FKBP9: variants seen among roughly 807,000 people sequenced by gnomAD.
FKBP9 encodes the protein FKBP prolyl isomerase 9, also known as peptidyl-prolyl cis-trans isomerase FKBP9.
Under a neutral mutation model 55.6 loss-of-function variants are expected in FKBP9, and 27 were observed. The observed-to-expected ratio is 0.49, with a 90% CI of 0.36 to 0.67. The LOEUF (loss-of-function observed/expected upper bound fraction) is 0.67. Among genes scored for constraint, FKBP9 ranks in the 30% least tolerant of loss-of-function variants. The pLI is 0.00. For synonymous variants in FKBP9, 267 were observed against 296.5 expected, an observed-to-expected ratio of 0.90 and a Z score of 1.02; for missense variants, 539 against 742.8, an observed-to-expected ratio of 0.73 and a Z score of 3.19.
chr7:32,965,884 T>TACATATATATAGAGAGAG (rs1554284369), intron 1 of FKBP9, among the ~76,000 whole-genome samples: 6 of 110,368 alleles, frequency 5.4e-5, no homozygotes, highest in African/African-American at 2.3e-4. Flanking sequence ...TATATATATA[T>TACATATATATAGAGAGAG]AGAGAGAGAG....
intron 7 of FKBP9, among the ~76,000 whole-genome samples, chr7:32,997,180 C>T (rs1784833949): frequency 6.6e-6 from 1 of 152,076 alleles, no homozygotes. Flanking sequence ...AGTGATCCTC[C>T]CGCCTCAGCC....
chr7:32,985,984 C>A (rs1270088229), intron 5 of FKBP9, among the ~76,000 whole-genome samples: 2 of 152,102 alleles, frequency 1.3e-5, no homozygotes, highest in Non-Finnish European at 2.9e-5. Context: ...CAGAGTGAGA[C>A]TGTGTCTCAA....
intron 7 of FKBP9, among the ~76,000 whole-genome samples, chr7:32,999,057 A>G (rs1256612511): frequency 2.6e-5 from 4 of 152,182 alleles, no homozygotes; most frequent in African/African-American, 7.2e-5. Flanking sequence ...AGCCCCAGAG[A>G]AAGGCAGGCA....
rs192777732 is a variant in FKBP9 at position 33,004,086 on chromosome 7, C to T, written c.1537-1089C>T. On this transcript the variant is annotated intron_variant, in intron 9 of 9. Transcript: ENST00000242209. ...GAGCACTCGGTGATCTCTGACTCCT[C>T]TCTTTCTCTCGTAGGCCGTAATGGT... Among the ~76,000 whole-genome samples the T allele has an allele frequency of 2.2e-4, 34 of 152,278 alleles. No homozygotes were observed. The East Asian group carries it at 6.6e-3, about 29-fold the overall frequency.
At chr7:32,988,464 G>C in intron 5 of FKBP9, 43 bp from the exon 6 acceptor site, 1 of 1,608,362 alleles carries the variant, frequency 6.2e-7, no homozygotes. Context: ...CTGCTGTGGA[G>C]GCCCTCATGA....
At chr7:32,965,850 T>TAC (rs1784134456) in intron 1 of FKBP9, among the ~76,000 whole-genome samples, 2 of 44,222 alleles carry the variant, frequency 4.5e-5, no homozygotes, top group Non-Finnish European at 9.0e-5. Context: ...TATATGTGTG[T>TAC]ACAGATATAT....
At chr7:32,981,733 G>C (rs1784479009) in intron 5 of FKBP9, among the ~76,000 whole-genome samples, 1 of 151,782 alleles carries the variant, frequency 6.6e-6, no homozygotes, top group Non-Finnish European at 1.5e-5. Flanking sequence ...TATGCATTAA[G>C]ATATGTTGTA....
chr7:32,957,952 G>A (rs1783938911), intron 1 of FKBP9, among the ~76,000 whole-genome samples, 158 bp downstream of exon 1: 1 of 152,214 alleles, frequency 6.6e-6, no homozygotes, highest in African/African-American at 2.4e-5. Flanking sequence ...CAGACCCTCC[G>A]CCGCGGGTGA....
At chr7:32,978,673 T>C (rs537750693) in intron 4 of FKBP9, among the ~76,000 whole-genome samples, 5 of 152,300 alleles carry the variant, frequency 3.3e-5, no homozygotes, top group African/African-American at 1.2e-4. Flanking sequence ...TGTTTTCTTA[T>C]TGATGTTCAA....
rs545380882 is a variant in FKBP9 at position 32,988,390 on chromosome 7, C to T, written c.894-117C>T. ...CTGTGTCGTCAGATACTGTGGTTTA[C>T]GCTGTTCCGGAGTCTGGAGGCCTCT... is the stretch of plus-strand genomic sequence containing the variant. On this transcript the variant is annotated intron_variant, in intron 5 of 9. Transcript: ENST00000242209. The T allele has an allele frequency of 4.5e-4, 438 of 982,358 alleles. 1 individual carries two copies. The highest frequency in any genetic ancestry group is 1.5e-3 in the Middle Eastern group (7 of 4,520). 60.9% of individuals were successfully genotyped at this position (982,358 alleles called of 1,614,324 possible). A position where few individuals can be genotyped will look rare whatever the true frequency, so the allele number is the denominator to read the frequency against.
chr7:32,980,672 C>T lies in FKBP9; in HGVS notation c.893+119C>T, dbSNP rs1047527367. 4.2e-6 allele frequency: 6 copies of T among 1,431,134 alleles called. No individual in the cohort carries two copies. In the East Asian group the frequency reaches 9.4e-5, roughly 23 times the overall value. The allele number at this position is 1,431,134 out of a possible 1,614,324, so 88.7% of individuals were successfully genotyped here. A position where few individuals can be genotyped will look rare whatever the true frequency, so the allele number is the denominator to read the frequency against. On this transcript the variant is annotated intron_variant, in intron 5 of 9. Transcript: ENST00000242209. Reference sequence around the variant, plus strand: ...TGATTTGTAGTTGGCATTTTCATCTCTAATACAAGTTTCTGTTTTCTGATA... The same window carrying T: ...TGATTTGTAGTTGGCATTTTCATCTTTAATACAAGTTTCTGTTTTCTGATA...
Position 32,957,618 on chromosome 7 carries a change from G to C in FKBP9, c.45G>C (p.Leu15=). The C allele has an allele frequency of 6.7e-7, 1 of 1,486,240 alleles. No homozygotes were observed. 92.1% of individuals were successfully genotyped at this position (1,486,240 alleles called of 1,614,324 possible). A position where few individuals can be genotyped will look rare whatever the true frequency, so the allele number is the denominator to read the frequency against. The change falls in exon 1 of 10, where the codon CTG becomes CTC. Residue 15 remains leucine (L), a synonymous_variant. Coordinates refer to ENST00000242209, the MANE Select transcript of FKBP9 (RefSeq NM_007270.5). ...GWRPPPPPLL[L]LLLWVTGQAA... ...GGCCCCCGCCGCCACCGCTGCTCCTGCTGCTGCTCTGGGTGACCGGGCAGG... is the reference window on the plus strand; with the variant it reads ...GGCCCCCGCCGCCACCGCTGCTCCTCCTGCTGCTCTGGGTGACCGGGCAGG...
chr7:32,969,922 C>T (rs1437638745), intron 1 of FKBP9, among the ~76,000 whole-genome samples: 6 of 152,010 alleles, frequency 3.9e-5, no homozygotes, highest in Non-Finnish European at 7.4e-5. Context: ...ATTGCTTGAA[C>T]CCGGGAGGCA....
intron 6 of FKBP9, among the ~76,000 whole-genome samples, chr7:32,991,708 C>T (rs1430604273): frequency 2.6e-5 from 4 of 152,174 alleles, no homozygotes; most frequent in Middle Eastern, 3.4e-3. Context: ...CTGCCATCTG[C>T]TTTGTTCCAT....
chr7:32,996,048 G>T, intron 6 of FKBP9, 115 bp from the exon 7 acceptor site: 1 of 784,936 alleles, frequency 1.3e-6, no homozygotes. Flanking sequence ...TTCTGTATCT[G>T]GGTGCCCGTT....
At chr7:32,958,156 C>T (rs1783943493) in intron 1 of FKBP9, among the ~76,000 whole-genome samples, 1 of 152,204 alleles carries the variant, frequency 6.6e-6, no homozygotes, top group Non-Finnish European at 1.5e-5. Context: ...GATGTTCGTG[C>T]CTGCCTCTCT....
At chr7:32,964,319 T>C (rs1449545887) in intron 1 of FKBP9, among the ~76,000 whole-genome samples, 1 of 152,208 alleles carries the variant, frequency 6.6e-6, no homozygotes, top group Non-Finnish European at 1.5e-5. Flanking sequence ...ATATTAACAA[T>C]TTAATTTGGC....
At chr7:32,970,261 A>G (rs1035401198) in intron 1 of FKBP9, among the ~76,000 whole-genome samples, 3 of 151,778 alleles carry the variant, frequency 2.0e-5, no homozygotes, top group African/African-American at 7.3e-5. Flanking sequence ...AAGTGGTGCA[A>G]TTTCGGCTCA....
chr7:33,002,971 G>C, intron 9 of FKBP9, 132 bp downstream of exon 9: 2 of 786,980 alleles, frequency 2.5e-6, no homozygotes, highest in East Asian at 5.4e-5. Context: ...GAGATGACCA[G>C]CACACTTGTG....
Sources: gnomAD v4.1 joint callset for allele counts (sites outside exome capture counted in the v4.1 genomes callset) on GRCh38, gnomAD v4.1.1 for gene constraint, MANE v1.5 for transcripts, NCBI Gene and HGNC (gene_info 2026-07-23, HGNC 2026-07-21) for gene names.